TOP3A: variants seen among roughly 807,000 people sequenced by gnomAD.
The protein encoded by TOP3A is DNA topoisomerase III alpha.
Under a neutral mutation model 111.3 loss-of-function variants are expected in TOP3A, and 64 were observed. The observed-to-expected ratio is 0.57, with a 90% CI of 0.47 to 0.71. The LOEUF is 0.71. Among genes scored for constraint, TOP3A ranks in the 30% least tolerant of loss-of-function variants. The pLI, the probability that TOP3A is intolerant of heterozygous loss-of-function variation, is 0.00. For missense variants in TOP3A, 1,104 were observed against 1,285.0 expected (o/e 0.86, Z 2.15); for synonymous variants, 484 against 485.1 (o/e 1.00, Z 0.03).
rs774346242 is a variant in TOP3A, at chr17:18,280,613, C to T, written c.2067G>A (p.Val689=). The stretch of plus-strand genomic sequence containing the variant: ...CCTCCAGCACCGAGTCAGGAAGCCA[C>T]ACAGCTGAGCGACACTCTGGGAAAC... The part of the protein sequence containing the change: ...CMGFPECRSA[V]WLPDSVLEAS... Residue 689 remains valine (V), a synonymous_variant, in exon 17 of 19, where the codon GTG becomes GTA. Transcript: ENST00000321105. The T allele has an allele frequency of 1.9e-6, 3 of 1,614,136 alleles. No homozygotes were observed. Among genetic ancestry groups the T allele is most frequent in the Non-Finnish European group, 2.5e-6 (3 of 1,179,994 alleles).
intron 2 of TOP3A, 122 bp downstream of exon 2, chr17:18,308,760 C>T: frequency 1.7e-6 from 1 of 584,428 alleles, no homozygotes; most frequent in Non-Finnish European, 2.9e-6. Context: ...ACCCCATATC[C>T]AGGAACCTTT....
At chr17:18,308,992 T>A in intron 1 of TOP3A, 51 bp from the exon 2 acceptor site, 10 of 1,008,348 alleles carry the variant, frequency 9.9e-6, no homozygotes, top group Non-Finnish European at 1.4e-5. Flanking sequence ...AAACAATGGA[T>A]TCCTTTGTAT....
chr17:18,290,929 G>A lies in TOP3A; in HGVS notation c.1380C>T (p.Ile460=), dbSNP rs768287785. Residue 460 remains isoleucine (I), a synonymous_variant, in exon 12 of 19, where the codon ATC becomes ATT. Coordinates refer to ENST00000321105, the MANE Select transcript of TOP3A (RefSeq NM_004618.5). Reference sequence around the variant, plus strand: ...CATGGGCCACAAAGCGTTCCTGAGCGATGTCGATCTCCACTGTGGTCTCCT... The same window carrying A: ...CATGGGCCACAAAGCGTTCCTGAGCAATGTCGATCTCCACTGTGGTCTCCT... ...QGQETTVEID[I]AQERFVAHGL... The A allele has an allele frequency of 5.6e-6, 9 of 1,614,074 alleles. No homozygotes were observed. The highest frequency in any genetic ancestry group is 3.3e-5 in the Admixed American group (2 of 59,998).
At chr17:18,308,786 G>C in intron 2 of TOP3A, 96 bp downstream of exon 2, 1 of 744,232 alleles carries the variant, frequency 1.3e-6, no homozygotes, top group Non-Finnish European at 2.1e-6. Flanking sequence ...GTTAACAGTT[G>C]TTATTCTTAA....
Position 18,297,156 on chromosome 17 carries a change from T to G in TOP3A, c.991-2371A>C, listed in dbSNP as rs372441345. ...ACAACAAAAAAAAGGCCAGGCGCGG[T>G]GGCTCACGCCTCTAATCCCAGCACT... is the stretch of plus-strand genomic sequence containing the variant. On this transcript the variant is annotated intron_variant, in intron 9 of 18. Coordinates refer to ENST00000321105, the MANE Select transcript of TOP3A (RefSeq NM_004618.5). 5.1e-3 allele frequency among the ~76,000 whole-genome samples: 773 copies of G among 152,296 alleles called. 6 individuals are homozygous for G. The highest frequency in any genetic ancestry group is 0.018 in the African/African-American group (752 of 41,566).
In TOP3A at chr17:18,294,089, G is replaced by A. The variant is rs573885236; in HGVS notation, c.1073+614C>T. Among the ~76,000 whole-genome samples, 144 of 152,272 alleles carry A rather than the reference G, an allele frequency of 9.5e-4. 2 individuals carry two copies. Among genetic ancestry groups the A allele is most frequent in the South Asian group, 3.9e-3 (19 of 4,826 alleles). ...GTGCTGGGGTGTATATGACTGGGGCGGGGAGGAGTTTCACAGGCAAACAAC... is the reference window on the plus strand; with the variant it reads ...GTGCTGGGGTGTATATGACTGGGGCAGGGAGGAGTTTCACAGGCAAACAAC... On this transcript the variant is annotated intron_variant, in intron 10 of 18. Transcript: ENST00000321105.
intron 12 of TOP3A, 31 bp from the exon 13 acceptor site, chr17:18,290,717 T>C (rs755208086): frequency 1.9e-6 from 3 of 1,580,930 alleles, no homozygotes; most frequent in Non-Finnish European, 2.6e-6. Context: ...AACAGTCAGA[T>C]GATTCCATCA....
intron 3 of TOP3A, among the ~76,000 whole-genome samples, chr17:18,307,878 CCA>C (rs1981675288): frequency 6.9e-6 from 1 of 145,262 alleles, no homozygotes; most frequent in Non-Finnish European, 1.5e-5. Flanking sequence ...CCACTGCACT[CCA>C]GCCTGGGTAA....
At chr17:18,280,909 G>A (rs1313313558) in intron 16 of TOP3A, among the ~76,000 whole-genome samples, 1 of 152,210 alleles carries the variant, frequency 6.6e-6, no homozygotes, top group Non-Finnish European at 1.5e-5. Context: ...CCAAGCTGAC[G>A]CCAGGGGCTC....
At position 18,305,198 on chromosome 17, in the gene TOP3A, C is replaced by G; in HGVS notation, c.413G>C (p.Arg138Pro). 1 of 1,614,068 alleles carries G rather than the reference C, an allele frequency of 6.2e-7. No individual in the cohort carries two copies. Among genetic ancestry groups the G allele is most frequent in the East Asian group, 2.2e-5 (1 of 44,878 alleles). Residue 138 changes from arginine to proline, a missense_variant, in exon 5 of 19, where the codon CGC (arginine) becomes CCC (proline). Coordinates refer to ENST00000321105, the MANE Select transcript of TOP3A (RefSeq NM_004618.5). ...CCAGATCACCAGAGCCTGGCACTGG[C>G]GAGTCTCTCGTTCCAAAGTTTTCTT... ...DIKKTLERET[R>P]QCQALVIWTD...
intron 5 of TOP3A, among the ~76,000 whole-genome samples, chr17:18,303,721 T>G (rs963508232): frequency 6.6e-6 from 1 of 152,124 alleles, no homozygotes; most frequent in African/African-American, 2.4e-5. Flanking sequence ...CAACACCCTA[T>G]AGTCACACTG....
chr17:18,302,114 G>A, intron 7 of TOP3A, 129 bp from the exon 8 acceptor site: 1 of 1,371,906 alleles, frequency 7.3e-7, no homozygotes, highest in Non-Finnish European at 1.0e-6. Context: ...GGATAACAAA[G>A]GGAACTTTAA....
chr17:18,296,601 CAA>C (rs1980823015), intron 9 of TOP3A, among the ~76,000 whole-genome samples: 1 of 152,046 alleles, frequency 6.6e-6, no homozygotes, highest in Non-Finnish European at 1.5e-5. Flanking sequence ...AACAAACAAA[CAA>C]AATGCATAAC....
intron 18 of TOP3A, among the ~76,000 whole-genome samples, chr17:18,277,185 CAAAAAAAAA>C (rs34363304): frequency 4.1e-5 from 4 of 96,480 alleles, no homozygotes; most frequent in Admixed American, 2.3e-4. Flanking sequence ...ACTCAGTCTC[CAAAAAAAAA>C]AAAAAAAAAA....
chr17:18,311,524 C>T (rs1000125969), intron 1 of TOP3A, among the ~76,000 whole-genome samples: 1 of 152,138 alleles, frequency 6.6e-6, no homozygotes, highest in Non-Finnish European at 1.5e-5. Flanking sequence ...GAACTCACGA[C>T]CTCAGGTGGT....
intron 13 of TOP3A, among the ~76,000 whole-genome samples, chr17:18,289,758 G>A (rs944769368): frequency 1.3e-5 from 2 of 152,094 alleles, no homozygotes; most frequent in Admixed American, 6.6e-5. Flanking sequence ...AAACCTGCAG[G>A]GTTTCTGGAT....
chr17:18,290,006 T>C (rs891355941), intron 13 of TOP3A, among the ~76,000 whole-genome samples: 10 of 152,170 alleles, frequency 6.6e-5, no homozygotes, highest in Non-Finnish European at 1.5e-4. Flanking sequence ...CCTGCAAAGC[T>C]TGAGCCATGG....
chr17:18,291,070 CCT>C, intron 11 of TOP3A, 43 bp from the exon 12 acceptor site: 1 of 1,592,960 alleles, frequency 6.3e-7, no homozygotes, highest in Non-Finnish European at 8.6e-7. Context: ...TAGAATATCA[CCT>C]CTCAAGGACA....
intron 4 of TOP3A, among the ~76,000 whole-genome samples, chr17:18,305,489 C>CGG (rs1567750622): frequency 8.1e-6 from 1 of 122,766 alleles, no homozygotes; most frequent in Non-Finnish European, 1.9e-5. Flanking sequence ...CACACACACG[C>CGG]GCGCGCGCGC....
Sources: gnomAD v4.1 joint callset for allele counts (sites outside exome capture counted in the v4.1 genomes callset) on GRCh38, gnomAD v4.1.1 for gene constraint, MANE v1.5 for transcripts, NCBI Gene and HGNC (gene_info 2026-07-23, HGNC 2026-07-21) for gene names.